RANBP2: variants seen among roughly 807,000 people sequenced by gnomAD.
RANBP2 encodes the protein RAN binding protein 2.
In RANBP2, 57 loss-of-function variants were observed where a neutral mutation model predicts 303.6. The ratio of observed to expected loss-of-function variants is 0.19; its 90% confidence interval spans 0.15 to 0.23. RANBP2 has a LOEUF of 0.23. Ranked by LOEUF, RANBP2 falls within the 10% of genes least tolerant of loss-of-function variation. The pLI is 1.00. For missense variants in RANBP2, 3,138 were observed against 3,780.8 expected (o/e 0.83, Z 4.46); for synonymous variants, 1,167 against 1,301.5 (o/e 0.90, Z 2.23).
Position 108,784,029 on chromosome 2 carries a change from C to A in RANBP2, c.*128C>A, listed in dbSNP as rs781274567. 2 of 899,826 alleles carry A rather than the reference C, an allele frequency of 2.2e-6. No homozygotes were observed. Among genetic ancestry groups the A allele is most frequent in the Non-Finnish European group, 3.3e-6 (2 of 598,514 alleles). 55.7% of individuals were successfully genotyped at this position (899,826 alleles called of 1,614,324 possible). On this transcript the variant is annotated 3_prime_UTR_variant, in exon 29 of 29. Coordinates refer to ENST00000283195, the MANE Select transcript of RANBP2 (RefSeq NM_006267.5). ...CCGATTTACAAATGTAAAATTGCAGCTTATAGCTGTTGTCACTTTTTAATG... is the reference window on the plus strand; with the variant it reads ...CCGATTTACAAATGTAAAATTGCAGATTATAGCTGTTGTCACTTTTTAATG...
chr2:109,279,711 T>C, the RANBP2 span, among the ~76,000 whole-genome samples: 2 of 151,872 alleles, frequency 1.3e-5, no homozygotes, highest in South Asian at 4.2e-4. Context: ...CTTGCCAGCT[T>C]GCGTTTCTTT....
chr2:109,645,776 G>T, the RANBP2 span, among the ~76,000 whole-genome samples: 1 of 152,152 alleles, frequency 6.6e-6, no homozygotes, highest in Non-Finnish European at 1.5e-5. Context: ...TTGGAGGTTA[G>T]AATCTGTGAA....
chr2:109,650,385 C>A, the RANBP2 span, among the ~76,000 whole-genome samples: 1 of 152,210 alleles, frequency 6.6e-6, no homozygotes, highest in Non-Finnish European at 1.5e-5. Context: ...GTCCAAAAGC[C>A]AGGACCACCT....
At chr2:109,542,554 C>T in the RANBP2 span, among the ~76,000 whole-genome samples, 2 of 152,184 alleles carry the variant, frequency 1.3e-5, no homozygotes, top group Admixed American at 6.5e-5. Flanking sequence ...GCAGTGTCAT[C>T]GAGCCCATCT....
At chr2:109,121,990 T>A in the RANBP2 span, among the ~76,000 whole-genome samples, 1 of 152,212 alleles carries the variant, frequency 6.6e-6, no homozygotes, top group Non-Finnish European at 1.5e-5. Flanking sequence ...TAAAGCACTG[T>A]GCTTGCTAGT....
the RANBP2 span, among the ~76,000 whole-genome samples, chr2:109,237,139 G>A: frequency 0.019 from 2,883 of 152,224 alleles, 37 homozygotes; most frequent in Non-Finnish European, 0.028. Flanking sequence ...AGATGTTCAC[G>A]GAATAGATTT....
the RANBP2 span, among the ~76,000 whole-genome samples, chr2:108,949,933 C>T: frequency 6.6e-5 from 10 of 152,156 alleles, no homozygotes; most frequent in East Asian, 1.9e-3. Flanking sequence ...GCCCTCATTT[C>T]CTGAGGTTTT....
the RANBP2 span, among the ~76,000 whole-genome samples, chr2:109,348,825 G>A: frequency 6.6e-6 from 1 of 151,806 alleles, no homozygotes; most frequent in Non-Finnish European, 1.5e-5. Flanking sequence ...CCTGCTCCCC[G>A]CCGCCCCCAG....
At chr2:108,750,813 T>C (rs1479674256) in intron 9 of RANBP2, among the ~76,000 whole-genome samples, 3 of 152,220 alleles carry the variant, frequency 2.0e-5, no homozygotes. Context: ...GGTCTCGAAC[T>C]CCTGACTGCG....
At chr2:109,238,577 G>T in the RANBP2 span, among the ~76,000 whole-genome samples, 2 of 151,804 alleles carry the variant, frequency 1.3e-5, no homozygotes, top group Admixed American at 1.3e-4. Context: ...GGAAACTTTG[G>T]AGGGGACATT....
chr2:109,442,276 A>T, the RANBP2 span, among the ~76,000 whole-genome samples: 1 of 149,648 alleles, frequency 6.7e-6, no homozygotes, highest in Non-Finnish European at 1.5e-5. Context: ...GTGCCACTGC[A>T]CTCCAGCCTG....
the RANBP2 span, among the ~76,000 whole-genome samples, chr2:109,261,288 C>G: frequency 1.3e-5 from 2 of 152,164 alleles, no homozygotes; most frequent in Admixed American, 6.5e-5. Context: ...GTGATTGTCC[C>G]CTCCCCAGGG....
At chr2:109,491,717 C>T in the RANBP2 span, among the ~76,000 whole-genome samples, 5 of 152,162 alleles carry the variant, frequency 3.3e-5, no homozygotes, top group Non-Finnish European at 7.3e-5. Flanking sequence ...CGATGGCTGT[C>T]AGGTTAGGAT....
rs1678300360 is a variant in RANBP2, at chr2:108,782,201, G to A, written c.8834G>A (p.Arg2945Gln). 1 of 1,614,136 alleles carries A rather than the reference G, an allele frequency of 6.2e-7. No homozygotes were observed. ...KERAKLYRWD[R>Q]DVSQWKERGV... ...AGAGCCAAACTTTATAGATGGGATC[G>A]GGATGTCAGTCAGTGGAAGGAGCGC... Residue 2945 changes from arginine to glutamine, a missense_variant, in exon 27 of 29, where the codon CGG becomes CAG. Physicochemically the swap from Arg to Gln is conservative, Grantham distance 43. This residue lies in a region of RANBP2 where 68 missense variants were observed against 117.4 expected (regional missense o/e 0.58). Coordinates refer to ENST00000283195, the MANE Select transcript of RANBP2 (RefSeq NM_006267.5).
chr2:109,234,872 G>T, the RANBP2 span, among the ~76,000 whole-genome samples: 1 of 152,208 alleles, frequency 6.6e-6, no homozygotes, highest in Non-Finnish European at 1.5e-5. Context: ...TGCCACCTCA[G>T]ATTCTAAAGG....
chr2:109,059,308 G>T, the RANBP2 span, among the ~76,000 whole-genome samples: 1 of 152,162 alleles, frequency 6.6e-6, no homozygotes, highest in East Asian at 1.9e-4. Flanking sequence ...GGGCAAGGTG[G>T]CTCACGCCTG....
chr2:109,626,462 C>G, the RANBP2 span, among the ~76,000 whole-genome samples: 1 of 150,516 alleles, frequency 6.6e-6, no homozygotes, highest in Non-Finnish European at 1.5e-5. Flanking sequence ...GAGTGAGACT[C>G]CATCTCAAAA....
the RANBP2 span, among the ~76,000 whole-genome samples, chr2:109,611,271 T>C: frequency 1.3e-5 from 2 of 152,208 alleles, no homozygotes; most frequent in African/African-American, 2.4e-5. Context: ...GATCTAAGGT[T>C]AGGCAAAGAG....
the RANBP2 span, among the ~76,000 whole-genome samples, chr2:109,559,911 CTTTTTTTTTTTT>C: frequency 8.5e-6 from 1 of 117,558 alleles, no homozygotes; most frequent in Non-Finnish European, 1.7e-5. Flanking sequence ...CAACCAATGC[CTTTTTTTTTTTT>C]TTTTTTTTGT....
Sources: gnomAD v4.1 joint callset for allele counts (sites outside exome capture counted in the v4.1 genomes callset) on GRCh38, gnomAD v4.1.1 for gene constraint, gnomAD v4.1.1 regional missense constraint, MANE v1.5 for transcripts, NCBI Gene and HGNC (gene_info 2026-07-23, HGNC 2026-07-21) for gene names.